The following GCNA variants were observed in gnomAD, a reference collection of about 807,000 sequenced individuals.
GCNA encodes the protein germ cell nuclear acidic protein.
Under a neutral mutation model 38.8 loss-of-function variants are expected in GCNA, and 3 were observed. The observed-to-expected ratio is 0.08, with a 90% CI of 0.04 to 0.20. The LOEUF (loss-of-function observed/expected upper bound fraction) is 0.20. Among genes scored for constraint, GCNA ranks in the 10% least tolerant of loss-of-function variants. GCNA has a pLI of 1.00. For synonymous variants in GCNA, 195 were observed against 240.2 expected, an observed-to-expected ratio of 0.81 and a Z score of 1.74; for missense variants, 446 against 578.6, an observed-to-expected ratio of 0.77 and a Z score of 2.35.
At chrX:71,600,488 G>T (rs1269967078) in intron 7 of GCNA, among the ~76,000 whole-genome samples, 2 of 111,289 alleles carry the variant, frequency 1.8e-5, no homozygotes, top group African/African-American at 6.5e-5. Context: ...GTCTTATTTT[G>T]CTGTGGACCA....
intron 7 of GCNA, among the ~76,000 whole-genome samples, chrX:71,601,763 C>G (rs58612049): frequency 0.027 from 3,020 of 111,058 alleles, 102 homozygotes; most frequent in African/African-American, 0.094. Flanking sequence ...CCAGGCTGGT[C>G]TCAAACTCCT....
chrX:71,598,905 A>G (rs1314685328), intron 7 of GCNA, among the ~76,000 whole-genome samples: 2 of 110,870 alleles, frequency 1.8e-5, no homozygotes, highest in African/African-American at 6.6e-5. Flanking sequence ...CAGTGGCATG[A>G]TCTCAGCTCT....
chrX:71,591,274 G>A (rs916944434), intron 2 of GCNA, among the ~76,000 whole-genome samples: 3 of 111,184 alleles, frequency 2.7e-5, no homozygotes, highest in African/African-American at 9.8e-5. Context: ...ACCTCAGGTG[G>A]TGCTGCATAA....
intron 4 of GCNA, among the ~76,000 whole-genome samples, chrX:71,594,020 T>C (rs2040650721): frequency 9.0e-6 from 1 of 111,698 alleles, no homozygotes; most frequent in South Asian, 3.8e-4. Flanking sequence ...CTGGCGTCTC[T>C]TTCATACCTT....
chrX:71,590,091 A>C (rs2040616041), intron 2 of GCNA, among the ~76,000 whole-genome samples: 1 of 111,967 alleles, frequency 8.9e-6, no homozygotes, highest in Non-Finnish European at 1.9e-5. Flanking sequence ...TTCTAATAAT[A>C]GTAACATGAG....
chrX:71,587,269 C>G (rs994016552), intron 2 of GCNA, among the ~76,000 whole-genome samples: 5 of 109,617 alleles, frequency 4.6e-5, no homozygotes, highest in Non-Finnish European at 9.5e-5. Context: ...CTGATTGCTT[C>G]TATTATCCTA....
At chrX:71,579,143 G>A (rs113549738) in intron 1 of GCNA, among the ~76,000 whole-genome samples, 6 of 105,945 alleles carry the variant, frequency 5.7e-5, no homozygotes, top group African/African-American at 1.4e-4. Context: ...CGCCGGTGGC[G>A]GCGCGGGGAG....
chrX:71,588,340 A>G (rs751058298), intron 2 of GCNA, among the ~76,000 whole-genome samples: 1 of 111,838 alleles, frequency 8.9e-6, no homozygotes, highest in African/African-American at 3.3e-5. Flanking sequence ...AAGGGAATAT[A>G]GGTCTGTGGT....
chrX:71,607,068 G>A (rs1489268516), intron 9 of GCNA, among the ~76,000 whole-genome samples: 1 of 111,645 alleles, frequency 9.0e-6, no homozygotes, highest in Non-Finnish European at 1.9e-5. Flanking sequence ...TTCCTCTGAT[G>A]TGAAGGTGCT....
chrX:71,608,605 T>G (rs2040786553), intron 9 of GCNA, among the ~76,000 whole-genome samples: 1 of 112,940 alleles, frequency 8.9e-6, no homozygotes, highest in Non-Finnish European at 1.9e-5. Flanking sequence ...TTGAGGTTTT[T>G]CAGCCAATTG....
intron 2 of GCNA, among the ~76,000 whole-genome samples, chrX:71,583,471 G>T (rs374261431): frequency 9.0e-5 from 10 of 110,717 alleles, no homozygotes; most frequent in African/African-American, 3.3e-4. Flanking sequence ...TTAAAAAAGC[G>T]GGGGGTGTGG....
rs768783946 is a variant in GCNA, at chrX:71,606,630, A to G, written c.1466+901A>G. Reference sequence around the variant, plus strand: ...AATAAGTGTATATTAAGGGAGGGGAAAAAGACTGATGTGTCAGGCATAGGG... The same window carrying G: ...AATAAGTGTATATTAAGGGAGGGGAGAAAGACTGATGTGTCAGGCATAGGG... On this transcript the variant is annotated intron_variant, in intron 9 of 12. Transcript: ENST00000373696. Among the ~76,000 whole-genome samples, 3 of 111,960 alleles carry G rather than the reference A, an allele frequency of 2.7e-5. No individual in the cohort carries two copies. In the East Asian group the frequency reaches 8.4e-4, roughly 31 times the overall value.
chrX:71,581,019 A>G lies in GCNA; in HGVS notation c.59+139A>G, dbSNP rs1422799358. 2.9e-5 allele frequency: 17 copies of G among 585,112 alleles called. No homozygotes were observed. In the African/African-American group the frequency reaches 3.0e-4, roughly 10 times the overall value. The allele number at this position is 585,112 out of a possible 1,213,427, so 48.2% of individuals were successfully genotyped here. A position where few individuals can be genotyped will look rare whatever the true frequency, so the allele number is the denominator to read the frequency against. ...TTGTTATAAAATGAGAATTGTAAAGAAGGATTTTACAAACTAGGAGTCCAG... is the reference window on the plus strand; with the variant it reads ...TTGTTATAAAATGAGAATTGTAAAGGAGGATTTTACAAACTAGGAGTCCAG... On this transcript the variant is annotated intron_variant, in intron 2 of 12. Coordinates refer to ENST00000373696, the MANE Select transcript of GCNA (RefSeq NM_052957.5).
chrX:71,585,573 A>G (rs989928852), intron 2 of GCNA, among the ~76,000 whole-genome samples: 14 of 110,559 alleles, frequency 1.3e-4, no homozygotes, highest in African/African-American at 4.6e-4. Flanking sequence ...CTGGTTGGAG[A>G]TAGCTCTTGA....
chrX:71,589,351 G>A (rs1271520156), intron 2 of GCNA, among the ~76,000 whole-genome samples: 3 of 104,530 alleles, frequency 2.9e-5, no homozygotes, highest in African/African-American at 1.0e-4. Context: ...TCACAGGTGT[G>A]ATCATGGTGC....
rs144286933 is a variant in GCNA at position 71,589,383 on chromosome X, G to A, written c.60-2739G>A. The stretch of plus-strand genomic sequence containing the variant: ...GTGCACTGAGGCCTCCACCTCCTGG[G>A]CTCATGCAGTCCTCCCCTACCCCCT... On this transcript the variant is annotated intron_variant, in intron 2 of 12. Coordinates refer to ENST00000373696, the MANE Select transcript of GCNA (RefSeq NM_052957.5). Among the ~76,000 whole-genome samples the A allele has an allele frequency of 9.7e-3, 1,011 of 104,190 alleles. 18 individuals are homozygous for A. The highest frequency in any genetic ancestry group is 0.034 in the African/African-American group (962 of 28,448). 90.5% of individuals were successfully genotyped at this position (104,190 alleles called of 115,157 possible). A position where few individuals can be genotyped will look rare whatever the true frequency, so the allele number is the denominator to read the frequency against.
At chrX:71,578,661 G>C (rs2040519460) in intron 1 of GCNA, 139 bp downstream of exon 1, 1 of 112,790 alleles carries the variant, frequency 8.9e-6, no homozygotes, top group African/African-American at 3.3e-5. Context: ...TGGGAGTAGA[G>C]GAAGTGGCAG....
At chrX:71,592,086 C>T (rs776694857) in intron 2 of GCNA, 36 bp from the exon 3 acceptor site, 4 of 1,094,353 alleles carry the variant, frequency 3.7e-6, no homozygotes, top group Non-Finnish European at 5.0e-6. Flanking sequence ...GCGTCGATAG[C>T]CCTCCTTTTA....
chrX:71,605,613 G>A (rs764311492), intron 8 of GCNA, 50 bp from the exon 9 acceptor site: 2 of 1,081,121 alleles, frequency 1.8e-6, no homozygotes, highest in Non-Finnish European at 2.5e-6. Flanking sequence ...TCTCGTGATG[G>A]TACCAATTTT....
Sources: allele counts gnomAD v4.1 joint callset (sites outside exome capture counted in the v4.1 genomes callset), GRCh38; gene constraint gnomAD v4.1.1; transcripts MANE v1.5; gene names NCBI Gene and HGNC (gene_info 2026-07-23, HGNC 2026-07-21).